Variants in PKN2 observed in about 807,000 individuals in gnomAD.
The protein encoded by PKN2 is serine/threonine-protein kinase N2.
PKN2 carries 38 observed loss-of-function variants against 119.1 expected under a neutral mutation model. The observed-to-expected ratio is 0.32, with a 90% CI of 0.25 to 0.42. The LOEUF (loss-of-function observed/expected upper bound fraction) is 0.42, where lower values mean the gene tolerates loss of function less well. PKN2 is among the 10% of genes least tolerant of loss of function. The probability of loss-of-function intolerance (pLI) is 1.00; values close to 1 mark genes in which losing one functional copy is unlikely to be tolerated. For missense variants in PKN2, 850 were observed against 1,165.1 expected, an observed-to-expected ratio of 0.73 and a Z score of 3.94; for synonymous variants, 390 against 384.9, an observed-to-expected ratio of 1.01 and a Z score of -0.15.
intron 2 of PKN2, among the ~76,000 whole-genome samples, chr1:88,755,748 C>G (rs1243290260): frequency 6.6e-6 from 1 of 152,064 alleles, no homozygotes; most frequent in Non-Finnish European, 1.5e-5. Flanking sequence ...GAGTAGCAAC[C>G]ACAGGATTTT....
At position 88,765,209 on chromosome 1, in the gene PKN2, G is replaced by A. The variant is rs540733549; in HGVS notation, c.504+4833G>A. Reference sequence around the variant, plus strand: ...CTCCCAAAGTGCTAGGATTACAGGCGTGAGCTACCGTGCCCAGCCTTGTCT... The same window carrying A: ...CTCCCAAAGTGCTAGGATTACAGGCATGAGCTACCGTGCCCAGCCTTGTCT... On this transcript the variant is annotated intron_variant, in intron 3 of 21. Coordinates refer to ENST00000370521, the MANE Select transcript of PKN2 (RefSeq NM_006256.4). Among the ~76,000 whole-genome samples the A allele has an allele frequency of 4.6e-5, 7 of 151,124 alleles. 2 individuals are homozygous for A. The highest frequency in any genetic ancestry group is 3.9e-4 in the East Asian group (2 of 5,122).
chr1:88,781,038 C>T (rs1670318502), intron 6 of PKN2: 5 of 1,006,020 alleles, frequency 5.0e-6, no homozygotes, highest in Non-Finnish European at 6.2e-6. Context: ...ATTCTTAAGA[C>T]ATTTTTAAAA....
At chr1:88,694,919 T>A (rs1189419033) in intron 1 of PKN2, among the ~76,000 whole-genome samples, 1 of 152,154 alleles carries the variant, frequency 6.6e-6, no homozygotes, top group Non-Finnish European at 1.5e-5. Flanking sequence ...GGGCAGATCA[T>A]GAGGTCAGGA....
intron 1 of PKN2, among the ~76,000 whole-genome samples, chr1:88,724,594 C>T (rs112785040): frequency 0.017 from 2,468 of 142,614 alleles, 44 homozygotes; most frequent in South Asian, 0.068. Flanking sequence ...TTTTTTGAGA[C>T]GGAGTCTTGC....
At chr1:88,805,306 T>G (rs1313519211) in intron 10 of PKN2, among the ~76,000 whole-genome samples, 191 bp from the exon 11 acceptor site, 2 of 152,212 alleles carry the variant, frequency 1.3e-5, no homozygotes, top group East Asian at 3.8e-4. Context: ...CTTACCTATT[T>G]ATTTTTAAAA....
chr1:88,784,751 A>G lies in PKN2; in HGVS notation c.1098A>G (p.Ser366=), dbSNP rs766684359. The G allele has an allele frequency of 2.1e-5, 34 of 1,613,144 alleles. No individual in the cohort carries two copies. The highest frequency in any genetic ancestry group is 2.9e-5 in the Non-Finnish European group (34 of 1,179,462). ...LPGWSPSETR[S]SFMSRTSKSK... ...GTTGGAGTCCAAGTGAAACCAGATC[A>G]TCTTTCATGAGCAGAACGAGTAAAA... is the stretch of plus-strand genomic sequence containing the variant. Residue 366 remains serine (S), a synonymous_variant, in exon 7 of 22, where the codon TCA becomes TCG. Transcript: ENST00000370521.
chr1:88,709,818 A>G (rs879836146), intron 1 of PKN2, among the ~76,000 whole-genome samples: 3 of 152,176 alleles, frequency 2.0e-5, no homozygotes, highest in Non-Finnish European at 4.4e-5. Context: ...GCCACTTCTC[A>G]ATTACACATT....
At position 88,774,648 on chromosome 1, in the gene PKN2, T is replaced by C. The variant is rs140307622; in HGVS notation, c.985+2769T>C. On this transcript the variant is annotated intron_variant, in intron 6 of 21. Transcript: ENST00000370521. ...TTTTTTTTTTATGCAAGTGTTTATC[T>C]TTTTTTCTCTGAGTTCTAGTACTAC... is the stretch of plus-strand genomic sequence containing the variant. 3.4e-3 allele frequency among the ~76,000 whole-genome samples: 518 copies of C among 152,148 alleles called. 7 individuals carry two copies. The highest frequency in any genetic ancestry group is 0.012 in the African/African-American group (484 of 41,488).
chr1:88,796,500 C>T (rs903694427), intron 8 of PKN2, among the ~76,000 whole-genome samples: 2 of 152,154 alleles, frequency 1.3e-5, no homozygotes, highest in African/African-American at 4.8e-5. Context: ...ATATTCTAGG[C>T]TTTAACTATA....
chr1:88,720,780 C>T (rs1667645505), intron 1 of PKN2, among the ~76,000 whole-genome samples: 1 of 152,126 alleles, frequency 6.6e-6, no homozygotes, highest in Non-Finnish European at 1.5e-5. Flanking sequence ...TCACCCCACT[C>T]CCACCTTTCC....
At chr1:88,729,691 T>C (rs756193243) in intron 1 of PKN2, among the ~76,000 whole-genome samples, 13 of 152,196 alleles carry the variant, frequency 8.5e-5, no homozygotes, top group Non-Finnish European at 1.3e-4. Context: ...AATGTCACTT[T>C]AGTCAGAGTC....
At chr1:88,825,343 C>G (rs1049319405) in intron 18 of PKN2, among the ~76,000 whole-genome samples, 1 of 152,150 alleles carries the variant, frequency 6.6e-6, no homozygotes, top group Non-Finnish European at 1.5e-5. Flanking sequence ...TAATGACTCC[C>G]AAATCTATTA....
chr1:88,788,819 T>C (rs1026403615), intron 8 of PKN2, among the ~76,000 whole-genome samples: 1 of 152,200 alleles, frequency 6.6e-6, no homozygotes, highest in Admixed American at 6.5e-5. Flanking sequence ...TACTCTTTTA[T>C]ATTTTCTTGT....
intron 3 of PKN2, among the ~76,000 whole-genome samples, chr1:88,764,984 G>A (rs1024649539): frequency 1.3e-5 from 2 of 152,028 alleles, no homozygotes; most frequent in African/African-American, 4.8e-5. Context: ...AAGTGCAGTG[G>A]CGCAATTGGC....
At chr1:88,804,612 A>G in intron 9 of PKN2, 78 bp downstream of exon 9, 1 of 1,389,018 alleles carries the variant, frequency 7.2e-7, no homozygotes, top group South Asian at 1.2e-5. Flanking sequence ...AGAAGTAGAA[A>G]GAGTGTTAGG....
chr1:88,828,481 G>T lies in PKN2; in HGVS notation c.2420G>T (p.Gly807Val). Residue 807 changes from glycine (G) to valine (V), a missense_variant and splice_region_variant, in exon 19 of 22, where the codon GGA (glycine) becomes GTA (valine). Gly to Val is a moderately radical substitution (Grantham distance 109). This residue lies in a region of PKN2 where 55 missense variants were observed against 85.9 expected (regional missense o/e 0.64). Coordinates refer to ENST00000370521, the MANE Select transcript of PKN2 (RefSeq NM_006256.4). The stretch of plus-strand genomic sequence containing the variant: ...AATGTTTACATTTTATCTTTTCCAG[G>T]AATGGGATATGGAGATAGAACAAGC... ...KIADFGLCKE[G>V]MGYGDRTSTF... 1 of 1,588,634 alleles carries T rather than the reference G, an allele frequency of 6.3e-7. No homozygotes were observed. The highest frequency in any genetic ancestry group is 8.6e-7 in the Non-Finnish European group (1 of 1,162,470).
At chr1:88,786,855 T>C (rs1221303647) in intron 8 of PKN2, among the ~76,000 whole-genome samples, 3 of 151,886 alleles carry the variant, frequency 2.0e-5, no homozygotes, top group South Asian at 2.1e-4. Flanking sequence ...ATTCTAAAAA[T>C]TAATTATGTT....
chr1:88,741,020 T>C lies in PKN2; in HGVS notation c.81T>C (p.Asn27=), dbSNP rs765084557. The C allele has an allele frequency of 2.5e-6, 4 of 1,589,220 alleles. No individual in the cohort carries two copies. In the Admixed American group the frequency reaches 7.5e-5, roughly 30 times the overall value. ...CCCGAAGTCTTCCGTTTTCTGAGAATGTGAGTGCTGTTCAAAAATTAGACT... is the reference window on the plus strand; with the variant it reads ...CCCGAAGTCTTCCGTTTTCTGAGAACGTGAGTGCTGTTCAAAAATTAGACT... The part of the protein sequence containing the change: ...GDSRSLPFSE[N]VSAVQKLDFS... Residue 27 remains asparagine (N), a synonymous_variant, in exon 2 of 22, where the codon AAT becomes AAC. Coordinates refer to ENST00000370521, the MANE Select transcript of PKN2 (RefSeq NM_006256.4).
chr1:88,807,499 CTTA>C (rs1312178005), intron 13 of PKN2, 27 bp from the exon 14 acceptor site: 7 of 1,601,824 alleles, frequency 4.4e-6, no homozygotes, highest in Middle Eastern at 1.7e-4. Context: ...ACTTTATTGT[CTTA>C]TTATTAATTG....
Sources: gnomAD v4.1 joint callset for allele counts (sites outside exome capture counted in the v4.1 genomes callset) on GRCh38, gnomAD v4.1.1 for gene constraint, gnomAD v4.1.1 regional missense constraint, MANE v1.5 for transcripts, NCBI Gene and HGNC (gene_info 2026-07-23, HGNC 2026-07-21) for gene names.